Variants in TTC28 observed in about 807,000 individuals in gnomAD.
TTC28 encodes the protein tetratricopeptide repeat protein 28.
TTC28 carries 61 observed loss-of-function variants against 198.0 expected under a neutral mutation model. The observed-to-expected ratio is 0.31, with a 90% confidence interval of 0.25 to 0.38. The LOEUF (loss-of-function observed/expected upper bound fraction) is 0.38, where lower values mean the gene tolerates loss of function less well. Among genes scored for constraint, TTC28 ranks in the 10% least tolerant of loss-of-function variants. The pLI is 1.00. For synonymous variants in TTC28, 1,171 were observed against 1,297.8 expected (o/e 0.90, Z 2.10); for missense variants, 2,678 against 3,164.0 (o/e 0.85, Z 3.69).
intron 2 of TTC28, among the ~76,000 whole-genome samples, chr22:28,401,194 G>C (rs963860104): frequency 6.6e-6 from 1 of 151,844 alleles, no homozygotes; most frequent in Admixed American, 6.6e-5. Flanking sequence ...AGGAGGGGGG[G>C]AGGAGGAGGA....
In TTC28 at chr22:28,337,904, G is replaced by T. The variant is rs1198506152; in HGVS notation, c.382-31261C>A. ...CTTTATGATGTTAGCTGGTTATTTT[G>T]CTCGTTGGTTGATGCAGTTTCTTTC... On this transcript the variant is annotated intron_variant, in intron 2 of 22. Transcript: ENST00000397906. Among the ~76,000 whole-genome samples the T allele has an allele frequency of 3.3e-5, 5 of 152,120 alleles. No homozygotes were observed. In the South Asian group the frequency reaches 6.2e-4, roughly 19 times the overall value.
At chr22:28,264,637 G>T (rs943740988) in intron 5 of TTC28, among the ~76,000 whole-genome samples, 3 of 152,142 alleles carry the variant, frequency 2.0e-5, no homozygotes, top group South Asian at 2.1e-4. Context: ...ACACACGCAT[G>T]CACGTGTGGG....
At chr22:28,044,512 T>A (rs1177794650) in intron 12 of TTC28, among the ~76,000 whole-genome samples, 1 of 152,208 alleles carries the variant, frequency 6.6e-6, no homozygotes, top group Non-Finnish European at 1.5e-5. Flanking sequence ...TGCAGGTTTG[T>A]TACATATGTA....
chr22:28,158,938 T>C (rs946624699), intron 6 of TTC28, among the ~76,000 whole-genome samples: 1 of 152,222 alleles, frequency 6.6e-6, no homozygotes, highest in Admixed American at 6.5e-5. Context: ...TAAAAGGTTT[T>C]TGAACAGCAA....
At chr22:28,489,285 A>T (rs1158805526) in intron 2 of TTC28, among the ~76,000 whole-genome samples, 1 of 100,724 alleles carries the variant, frequency 9.9e-6, no homozygotes, top group Non-Finnish European at 2.0e-5. Flanking sequence ...TCCTATCTCT[A>T]AAAAACAAAT....
At chr22:28,376,187 G>A (rs1277766843) in intron 2 of TTC28, among the ~76,000 whole-genome samples, 1 of 152,142 alleles carries the variant, frequency 6.6e-6, no homozygotes, top group Non-Finnish European at 1.5e-5. Flanking sequence ...TCTCCCTGGA[G>A]AACCCTAATA....
chr22:28,415,956 A>G (rs888428469), intron 2 of TTC28, among the ~76,000 whole-genome samples: 1 of 152,208 alleles, frequency 6.6e-6, no homozygotes, highest in Non-Finnish European at 1.5e-5. Context: ...ACCTTCAATA[A>G]AAAGTTTCAG....
intron 1 of TTC28, among the ~76,000 whole-genome samples, chr22:28,632,381 A>G (rs976931510): frequency 6.8e-6 from 1 of 146,782 alleles, no homozygotes; most frequent in Admixed American, 7.2e-5. Flanking sequence ...GGTTCAAGCA[A>G]TTCTCCTGCC....
chr22:28,620,901 A>T (rs2050984542), intron 2 of TTC28, among the ~76,000 whole-genome samples: 1 of 152,154 alleles, frequency 6.6e-6, no homozygotes, highest in South Asian at 2.1e-4. Context: ...ATTTCTCAAG[A>T]GTTTCAGTTG....
chr22:28,509,227 A>C (rs1189411931), intron 2 of TTC28, among the ~76,000 whole-genome samples: 1 of 152,102 alleles, frequency 6.6e-6, no homozygotes, highest in Non-Finnish European at 1.5e-5. Context: ...ACCCAGAAAC[A>C]ACAGAATATA....
chr22:28,380,222 T>C (rs1454185189), intron 2 of TTC28, among the ~76,000 whole-genome samples: 3 of 151,962 alleles, frequency 2.0e-5, no homozygotes, highest in Non-Finnish European at 4.4e-5. Context: ...ACTGTTAATA[T>C]AGGTGAATAA....
intron 14 of TTC28, among the ~76,000 whole-genome samples, chr22:28,009,584 TGG>T (rs1260448009): frequency 1.3e-5 from 2 of 152,208 alleles, no homozygotes; most frequent in African/African-American, 4.8e-5. Flanking sequence ...CCCCTCCACC[TGG>T]GCAGCGCAGG....
chr22:28,064,577 A>C (rs1412573620), intron 12 of TTC28, among the ~76,000 whole-genome samples: 1 of 152,184 alleles, frequency 6.6e-6, no homozygotes, highest in Non-Finnish European at 1.5e-5. Context: ...AAGTGAGATA[A>C]TGGAATAAAA....
At chr22:28,441,452 G>A (rs1241081859) in intron 2 of TTC28, among the ~76,000 whole-genome samples, 1 of 152,106 alleles carries the variant, frequency 6.6e-6, no homozygotes, top group Non-Finnish European at 1.5e-5. Context: ...CAACCAAAGT[G>A]AATGGAATCA....
At chr22:28,319,273 ACT>A (rs1310445866) in intron 2 of TTC28, among the ~76,000 whole-genome samples, 1 of 151,784 alleles carries the variant, frequency 6.6e-6, no homozygotes, top group African/African-American at 2.4e-5. Context: ...TTTTCTGGAG[ACT>A]CTTATTACTC....
intron 2 of TTC28, among the ~76,000 whole-genome samples, chr22:28,472,739 A>G (rs2048114257): frequency 6.6e-6 from 1 of 152,176 alleles, no homozygotes; most frequent in African/African-American, 2.4e-5. Context: ...AAATGATCAA[A>G]GAAATAATTC....
rs183135527 is a variant in TTC28, at chr22:28,092,806, T to C, written c.3932+1274A>G. On this transcript the variant is annotated intron_variant, in intron 12 of 22. Transcript: ENST00000397906. ...CCCCTGTAATTGCCAAACTGTTGCC[T>C]GGGTTGTTAAGGACGGGGATACTTC... is the stretch of plus-strand genomic sequence containing the variant. Among the ~76,000 whole-genome samples, 4 of 152,260 alleles carry C rather than the reference T, an allele frequency of 2.6e-5. No homozygotes were observed. The East Asian group carries it at 5.8e-4, about 22-fold the overall frequency.
chr22:27,982,339 G>A lies in TTC28; in HGVS notation c.7328C>T (p.Ser2443Leu). 1 of 1,540,582 alleles carries A rather than the reference G, an allele frequency of 6.5e-7. No homozygotes were observed. Residue 2443 changes from serine to leucine, a missense_variant, in exon 23 of 23, where the codon TCA (serine) becomes TTA (leucine). Physicochemically the swap from Ser to Leu is moderately radical, Grantham distance 145. Transcript: ENST00000397906. This position sits in a 1 kb window ranked among gnomAD's most constrained non-coding sequence, Gnocchi z 5.2. ...GGGAGGGCCGGCGGGCAGCGGCAGT[G>A]AGCCCAGCGAGGTGGTCTCGGTGCG... is the stretch of plus-strand genomic sequence containing the variant. Reference protein sequence around the residue: ...HWRTETTSLGSLPLPAGPPAT... With the variant: ...HWRTETTSLGLLPLPAGPPAT...
At chr22:28,634,441 C>G (rs534663705) in intron 1 of TTC28, among the ~76,000 whole-genome samples, 1 of 143,348 alleles carries the variant, frequency 7.0e-6, no homozygotes, top group Non-Finnish European at 1.5e-5. Flanking sequence ...ACCTGGGAAT[C>G]GGAGGTTGCA....
Sources: allele counts gnomAD v4.1 joint callset (sites outside exome capture counted in the v4.1 genomes callset), GRCh38; gene constraint gnomAD v4.1.1; non-coding constraint Gnocchi (gnomAD v3.1); transcripts MANE v1.5; gene names NCBI Gene and HGNC (gene_info 2026-07-23, HGNC 2026-07-21).